Variants in STK3 observed in about 807,000 individuals in gnomAD.
STK3 encodes the protein serine/threonine-protein kinase 3.
In STK3, 41 loss-of-function variants were observed where a neutral mutation model predicts 58.0. The ratio of observed to expected loss-of-function variants is 0.71; its 90% CI spans 0.55 to 0.92. The LOEUF (loss-of-function observed/expected upper bound fraction) is 0.92. Among genes scored for constraint, STK3 ranks in the 40% least tolerant of loss-of-function variants. The pLI is 0.00. For missense variants in STK3, 479 were observed against 602.7 expected (o/e 0.79, Z 2.15); for synonymous variants, 170 against 191.0 (o/e 0.89, Z 0.91).
intron 3 of STK3, among the ~76,000 whole-genome samples, chr8:98,752,161 C>A (rs1159697223): frequency 1.3e-5 from 2 of 152,058 alleles, no homozygotes; most frequent in African/African-American, 4.8e-5. Flanking sequence ...GCAAAAAGAA[C>A]AAAGCTGGTG....
chr8:98,527,919 C>T (rs1446804197), intron 9 of STK3, among the ~76,000 whole-genome samples: 1 of 152,132 alleles, frequency 6.6e-6, no homozygotes, highest in Non-Finnish European at 1.5e-5. Context: ...CAAGATCTTT[C>T]CCTTCAAACC....
intron 4 of STK3, among the ~76,000 whole-genome samples, chr8:98,741,065 C>T (rs1587480670): frequency 6.6e-6 from 1 of 152,154 alleles, no homozygotes; most frequent in Admixed American, 6.5e-5. Flanking sequence ...CATATATGCA[C>T]CCAATACAGG....
At chr8:98,894,146 C>G (rs1294232146) in intron 1 of STK3, among the ~76,000 whole-genome samples, 3 of 152,178 alleles carry the variant, frequency 2.0e-5, no homozygotes, top group Non-Finnish European at 4.4e-5. Flanking sequence ...AGACATGAGC[C>G]CCCACTTTTT....
At chr8:98,518,754 T>C (rs1282734134) in intron 10 of STK3, among the ~76,000 whole-genome samples, 1 of 152,164 alleles carries the variant, frequency 6.6e-6, no homozygotes, top group African/African-American at 2.4e-5. Context: ...TTTCGTGAGC[T>C]GGCAAAGGAC....
In STK3 at chr8:98,648,926, G is replaced by A. The variant is rs533616419; in HGVS notation, c.685-52757C>T. ...AAAAAATTAGCCCGGGCATGGTGGC[G>A]GGCACCTGTAATCCCAGCTACTTGG... On this transcript the variant is annotated intron_variant, in intron 6 of 10. Coordinates refer to ENST00000419617, the MANE Select transcript of STK3 (RefSeq NM_006281.4). Among the ~76,000 whole-genome samples, 18 of 149,748 alleles carry A rather than the reference G, an allele frequency of 1.2e-4. No individual in the cohort carries two copies. The East Asian group carries it at 2.5e-3, about 21-fold the overall frequency.
At chr8:98,681,351 T>A (rs1293831057) in intron 6 of STK3, among the ~76,000 whole-genome samples, 1 of 151,926 alleles carries the variant, frequency 6.6e-6, no homozygotes, top group Non-Finnish European at 1.5e-5. Context: ...ATCTTCAAGA[T>A]ACAATAAGAG....
intron 10 of STK3, among the ~76,000 whole-genome samples, chr8:98,479,276 C>T (rs1276989846): frequency 2.0e-5 from 3 of 152,104 alleles, no homozygotes; most frequent in Non-Finnish European, 1.5e-5. Context: ...ATCATGAGGT[C>T]AGGAGTTAGA....
At chr8:98,613,393 A>C (rs1450023597) in intron 6 of STK3, among the ~76,000 whole-genome samples, 1 of 152,222 alleles carries the variant, frequency 6.6e-6, no homozygotes, top group Non-Finnish European at 1.5e-5. Context: ...ACACCAAAAA[A>C]AGACATGTCA....
intron 1 of STK3, among the ~76,000 whole-genome samples, chr8:98,777,728 G>A (rs1239669402): frequency 1.3e-5 from 2 of 152,128 alleles, no homozygotes; most frequent in Non-Finnish European, 2.9e-5. Context: ...CTGTTAATGA[G>A]GCAGACGATT....
intron 6 of STK3, among the ~76,000 whole-genome samples, chr8:98,625,187 A>C (rs1282662113): frequency 6.6e-6 from 1 of 152,122 alleles, no homozygotes; most frequent in East Asian, 1.9e-4. Flanking sequence ...ATCTTGAAAG[A>C]AGGCGCTTAA....
At chr8:98,412,239 C>T (rs1447618167) in intron 3 of STK3, among the ~76,000 whole-genome samples, 1 of 152,232 alleles carries the variant, frequency 6.6e-6, no homozygotes, top group African/African-American at 2.4e-5. Context: ...CTAACCTCCT[C>T]TCTACCCTCT....
intron 6 of STK3, among the ~76,000 whole-genome samples, chr8:98,605,521 C>T (rs1302329115): frequency 3.3e-5 from 5 of 150,970 alleles, no homozygotes; most frequent in African/African-American, 1.2e-4. Context: ...ACTGCAACAT[C>T]CGCCTGCCCA....
intron 8 of STK3, among the ~76,000 whole-genome samples, chr8:98,567,057 A>G (rs1171941152): frequency 6.6e-6 from 1 of 152,208 alleles, no homozygotes; most frequent in East Asian, 1.9e-4. Flanking sequence ...AGAGGTTGCA[A>G]TGCAACAACC....
the STK3 span, among the ~76,000 whole-genome samples, chr8:98,363,194 T>C: frequency 6.6e-6 from 1 of 152,208 alleles, no homozygotes; most frequent in East Asian, 1.9e-4. Flanking sequence ...GGAGACCGAC[T>C]TAGCAGCATG....
Position 98,426,600 on chromosome 8 carries a change from C to T in STK3, n.483+7527G>A, listed in dbSNP as rs561081156. On this transcript the variant is annotated intron_variant and non_coding_transcript_variant, in intron 3 of 3. Transcript: ENST00000517832. ...CTCCTGTTCCCCAACAACCCCACCC[C>T]CGGGCTTCGGGAAACTTTTCTTCAG... is the stretch of plus-strand genomic sequence containing the variant. Among the ~76,000 whole-genome samples the T allele has an allele frequency of 2.5e-3, 380 of 152,320 alleles. 6 individuals are homozygous for T. The highest frequency in any genetic ancestry group is 2.3e-3 in the Non-Finnish European group (155 of 68,024).
intron 10 of STK3, among the ~76,000 whole-genome samples, chr8:98,509,698 G>A (rs1037062804): frequency 6.6e-6 from 1 of 151,746 alleles, no homozygotes; most frequent in African/African-American, 2.4e-5. Context: ...TGAGGAATAA[G>A]ACATATACAG....
chr8:98,718,850 CAAA>C (rs1827209070), intron 4 of STK3, among the ~76,000 whole-genome samples: 1 of 151,642 alleles, frequency 6.6e-6, no homozygotes, highest in Middle Eastern at 3.4e-3. Flanking sequence ...TGTGGCTACT[CAAA>C]AATTTAAAAT....
At chr8:98,691,802 C>T (rs905672956) in intron 6 of STK3, among the ~76,000 whole-genome samples, 9 of 151,646 alleles carry the variant, frequency 5.9e-5, no homozygotes, top group African/African-American at 1.2e-4. Flanking sequence ...CGTGGTGGCG[C>T]GCATCTGTAA....
At chr8:98,776,139 C>G (rs1473588289) in intron 1 of STK3, among the ~76,000 whole-genome samples, 1 of 151,678 alleles carries the variant, frequency 6.6e-6, no homozygotes, top group African/African-American at 2.4e-5. Context: ...CAGAAAGACT[C>G]TGACTACAGC....
Sources: allele counts gnomAD v4.1 joint callset (sites outside exome capture counted in the v4.1 genomes callset), GRCh38; gene constraint gnomAD v4.1.1; transcripts MANE v1.5; gene names NCBI Gene and HGNC (gene_info 2026-07-23, HGNC 2026-07-21).